Variants in NRXN1 observed in about 807,000 individuals in gnomAD.
The protein encoded by NRXN1 is neurexin-1.
In NRXN1, 39 loss-of-function variants were observed where a neutral mutation model predicts 150.9. The observed-to-expected ratio is 0.26, with a 90% CI of 0.20 to 0.34. The LOEUF is 0.34. NRXN1 is among the 10% of genes least tolerant of loss of function. The pLI is 1.00. For missense variants in NRXN1, 1,815 were observed against 1,949.9 expected (o/e 0.93, Z 1.30); for synonymous variants, 924 against 757.0 (o/e 1.22, Z -3.62).
At chr2:50,597,373 C>T (rs1270710641) in intron 8 of NRXN1, among the ~76,000 whole-genome samples, 1 of 152,138 alleles carries the variant, frequency 6.6e-6, no homozygotes, top group Non-Finnish European at 1.5e-5. Flanking sequence ...TCTATCTCAC[C>T]CTCTCCAGCC....
chr2:50,690,418 T>C (rs1482228268), intron 5 of NRXN1, among the ~76,000 whole-genome samples: 2 of 152,166 alleles, frequency 1.3e-5, no homozygotes, highest in Non-Finnish European at 2.9e-5. Flanking sequence ...ATGTACAGAA[T>C]GAAAACCATC....
At chr2:50,460,036 T>C (rs2088005257) in intron 17 of NRXN1, among the ~76,000 whole-genome samples, 1 of 152,098 alleles carries the variant, frequency 6.6e-6, no homozygotes, top group African/African-American at 2.4e-5. Flanking sequence ...CATTTAGTGA[T>C]AACTAAAACC....
At chr2:50,782,382 A>G (rs1446319425) in intron 5 of NRXN1, among the ~76,000 whole-genome samples, 2 of 151,946 alleles carry the variant, frequency 1.3e-5, no homozygotes, top group Non-Finnish European at 2.9e-5. Context: ...AGGCAGGAGA[A>G]TCACTTGAAC....
intron 21 of NRXN1, among the ~76,000 whole-genome samples, chr2:50,009,845 T>A (rs1685366618): frequency 6.6e-6 from 1 of 152,150 alleles, no homozygotes; most frequent in Non-Finnish European, 1.5e-5. Flanking sequence ...AAATTATAAT[T>A]ACATTTGCAT....
chr2:49,981,031 A>T (rs1285157578), intron 21 of NRXN1, among the ~76,000 whole-genome samples: 1 of 152,142 alleles, frequency 6.6e-6, no homozygotes, highest in Non-Finnish European at 1.5e-5. Flanking sequence ...GCTGACTTCT[A>T]GGTTGGAAAG....
intron 21 of NRXN1, among the ~76,000 whole-genome samples, chr2:49,957,910 T>A (rs1043961366): frequency 4.6e-5 from 7 of 152,178 alleles, no homozygotes; most frequent in Admixed American, 2.0e-4. Context: ...ATGGGGCAGA[T>A]AAAAATAACA....
At chr2:50,657,322 C>A (rs1168000920) in intron 5 of NRXN1, among the ~76,000 whole-genome samples, 2 of 151,968 alleles carry the variant, frequency 1.3e-5, no homozygotes, top group Non-Finnish European at 2.9e-5. Flanking sequence ...GCTCTCTCAC[C>A]TCTTCTAAGT....
At chr2:50,727,821 T>C (rs1697576242) in intron 5 of NRXN1, among the ~76,000 whole-genome samples, 1 of 152,120 alleles carries the variant, frequency 6.6e-6, no homozygotes, top group African/African-American at 2.4e-5. Flanking sequence ...GGGTTTTGAA[T>C]AGAGAAAGGT....
intron 5 of NRXN1, among the ~76,000 whole-genome samples, chr2:50,828,457 T>C (rs1406000470): frequency 6.7e-6 from 1 of 148,606 alleles, no homozygotes; most frequent in Non-Finnish European, 1.5e-5. Flanking sequence ...GCGGAGGGGC[T>C]CCTCACTTCT....
intron 17 of NRXN1, among the ~76,000 whole-genome samples, chr2:50,334,276 C>T (rs1017841022): frequency 2.0e-5 from 3 of 150,400 alleles, no homozygotes; most frequent in South Asian, 2.1e-4. Flanking sequence ...CATACACACA[C>T]GTACATACAA....
intron 21 of NRXN1, among the ~76,000 whole-genome samples, chr2:50,029,053 A>G (rs1688794570): frequency 6.6e-6 from 1 of 152,154 alleles, no homozygotes; most frequent in Non-Finnish European, 1.5e-5. Flanking sequence ...TGTTATTAGG[A>G]GGTGAAGTCT....
At chr2:49,982,902 T>C (rs1041516900) in intron 21 of NRXN1, among the ~76,000 whole-genome samples, 3 of 152,198 alleles carry the variant, frequency 2.0e-5, no homozygotes, top group South Asian at 2.1e-4. Flanking sequence ...TAAACTACTT[T>C]TCAAAAGACT....
chr2:50,509,072 T>C (rs2092354478), intron 12 of NRXN1, among the ~76,000 whole-genome samples: 1 of 152,142 alleles, frequency 6.6e-6, no homozygotes, highest in African/African-American at 2.4e-5. Flanking sequence ...TTTACATTAT[T>C]AATCTGCAGA....
intron 13 of NRXN1, among the ~76,000 whole-genome samples, chr2:50,500,056 C>T (rs921769808): frequency 6.6e-6 from 1 of 151,826 alleles, no homozygotes; most frequent in Non-Finnish European, 1.5e-5. Context: ...CTACCCTGAT[C>T]CTGAAACTGT....
At chr2:50,266,171 G>A (rs957100267) in intron 17 of NRXN1, among the ~76,000 whole-genome samples, 33 of 149,006 alleles carry the variant, frequency 2.2e-4, no homozygotes, top group Non-Finnish European at 7.4e-5. Flanking sequence ...GGTAATTTTT[G>A]TAGTTTTAGT....
At chr2:50,529,421 TATATAAAAGTAG>T (rs1409853834) in intron 11 of NRXN1, among the ~76,000 whole-genome samples, 1 of 152,230 alleles carries the variant, frequency 6.6e-6, no homozygotes, top group Non-Finnish European at 1.5e-5. Context: ...ATATTTGCTT[TATATAAAAGTAG>T]CTACTATAAG....
chr2:50,448,815 G>A (rs2104514688), intron 17 of NRXN1, among the ~76,000 whole-genome samples: 1 of 152,196 alleles, frequency 6.6e-6, no homozygotes, highest in African/African-American at 2.4e-5. Context: ...CCGACTCACT[G>A]AACAGAAGCA....
At chr2:50,991,624 C>T (rs1237113041) in intron 2 of NRXN1, among the ~76,000 whole-genome samples, 1 of 151,988 alleles carries the variant, frequency 6.6e-6, no homozygotes, top group Admixed American at 6.6e-5. Flanking sequence ...GCACACTTTG[C>T]ATTTGTCAAT....
intron 18 of NRXN1, among the ~76,000 whole-genome samples, chr2:50,134,447 T>G (rs1209795841): frequency 6.6e-6 from 1 of 152,110 alleles, no homozygotes; most frequent in Non-Finnish European, 1.5e-5. Context: ...TGGCATGCAA[T>G]GGGTCCCGAG....
Sources: gnomAD v4.1 joint callset for allele counts (sites outside exome capture counted in the v4.1 genomes callset) on GRCh38, gnomAD v4.1.1 for gene constraint, MANE v1.5 for transcripts, NCBI Gene and HGNC (gene_info 2026-07-23, HGNC 2026-07-21) for gene names.